Variants in KCNH4 observed in about 807,000 individuals in gnomAD.
KCNH4 encodes potassium voltage-gated channel subfamily H member 4.
In KCNH4, 33 loss-of-function variants were observed where a neutral mutation model predicts 90.7. The ratio of observed to expected loss-of-function variants is 0.36; its 90% confidence interval spans 0.28 to 0.49. KCNH4 has a LOEUF of 0.49. KCNH4 is among the 20% of genes least tolerant of loss of function. The probability of loss-of-function intolerance (pLI) is 0.98; values close to 1 mark genes in which losing one functional copy is unlikely to be tolerated. For synonymous variants in KCNH4, 551 were observed against 581.7 expected, an observed-to-expected ratio of 0.95 and a Z score of 0.76; for missense variants, 1,044 against 1,387.1, an observed-to-expected ratio of 0.75 and a Z score of 3.93.
rs757107724 is a variant in KCNH4 at position 42,176,046 on chromosome 17, G to A, written c.829+8C>T. ...ACCCACCAGGGTGGGTGAGGCAGAA[G>A]GTCTGACCTAGGATGAAGAGCATTT... On this transcript the variant is annotated splice_region_variant and intron_variant, in intron 5 of 16. Coordinates refer to ENST00000264661, the MANE Select transcript of KCNH4 (RefSeq NM_012285.3). 2 of 1,590,174 alleles carry A rather than the reference G, an allele frequency of 1.3e-6. No individual in the cohort carries two copies. Among genetic ancestry groups the A allele is most frequent in the South Asian group, 2.3e-5 (2 of 87,632 alleles).
chr17:42,163,546 C>T lies in KCNH4; in HGVS notation c.2477+60G>A. The T allele has an allele frequency of 1.2e-6, 1 of 846,048 alleles. No individual in the cohort carries two copies. Among genetic ancestry groups the T allele is most frequent in the Non-Finnish European group, 1.9e-6 (1 of 533,622 alleles). The allele number at this position is 846,048 out of a possible 1,614,324, so 52.4% of individuals were successfully genotyped here. A position where few individuals can be genotyped will look rare whatever the true frequency, so the allele number is the denominator to read the frequency against. The stretch of plus-strand genomic sequence containing the variant: ...TGTTTGGAACGCCAGGGATAGAGCC[C>T]AGAGAAGGTTCTGGAAGCCAATAGG... On this transcript the variant is annotated intron_variant, in intron 13 of 16. Coordinates refer to ENST00000264661, the MANE Select transcript of KCNH4 (RefSeq NM_012285.3). This position sits in a 1 kb window ranked among gnomAD's most constrained non-coding sequence, Gnocchi z 5.4.
intron 2 of KCNH4, 126 bp from the exon 3 acceptor site, chr17:42,178,603 G>C: frequency 2.3e-6 from 3 of 1,302,374 alleles, no homozygotes; most frequent in Non-Finnish European, 2.1e-6. Flanking sequence ...AGGAACCTCA[G>C]AGATTCTGTC....
chr17:42,176,439 CCAGGAGAGG>C, intron 4 of KCNH4, 142 bp from the exon 5 acceptor site: 1 of 705,314 alleles, frequency 1.4e-6, no homozygotes, highest in Non-Finnish European at 2.4e-6. Context: ...AGATAGAAGG[CCAGGAGAGG>C]GGCGCAGAGG....
rs759987226 is a variant in KCNH4 at position 42,178,340 on chromosome 17, T to C, written c.448A>G (p.Ser150Gly). Residue 150 changes from serine to glycine, a missense_variant, in exon 3 of 17, where the codon AGT (serine) becomes GGT (glycine). Ser to Gly is a moderately conservative substitution (Grantham distance 56). This residue lies in a region of KCNH4 where 283 missense variants were observed against 378.6 expected (regional missense o/e 0.75). Coordinates refer to ENST00000264661, the MANE Select transcript of KCNH4 (RefSeq NM_012285.3). ...CCGGACTTGCTGTTACCGTGATTAC[T>C]GTCCCCGCGGCCTCCTTGGGGGCCA... ...GLGPQGGRGD[S>G]NHENSLGRRG... is the part of the protein sequence containing the mutation. 5.6e-6 allele frequency: 9 copies of C among 1,614,244 alleles called. No homozygotes were observed. The East Asian group carries it at 1.3e-4, about 24-fold the overall frequency.
intron 10 of KCNH4, 105 bp from the exon 11 acceptor site, chr17:42,165,798 G>T: frequency 7.4e-7 from 1 of 1,350,832 alleles, no homozygotes; most frequent in East Asian, 2.3e-5. Context: ...TTTGAAGGAT[G>T]GTTGAAGGTG....
chr17:42,178,244 T>G lies in KCNH4; in HGVS notation c.458-17A>C, dbSNP rs911498783. On this transcript the variant is annotated splice_polypyrimidine_tract_variant and intron_variant, in intron 3 of 16. Coordinates refer to ENST00000264661, the MANE Select transcript of KCNH4 (RefSeq NM_012285.3). ...GGGAGTTTTCTGTTGGGAAGAAAGG[T>G]GCAGAGATACGTTGGGGCACATCCC... 7 of 1,614,174 alleles carry G rather than the reference T, an allele frequency of 4.3e-6. No individual in the cohort carries two copies. Among genetic ancestry groups the G allele is most frequent in the Middle Eastern group, 1.6e-4 (1 of 6,062 alleles).
In KCNH4 at chr17:42,171,834, G is replaced by A. The variant is rs779840462; in HGVS notation, c.1149C>T (p.Ile383=). ...CATTGGCCTCCATCTCCCGGCGCCCGATGACATACCAGATGCAGGCCATCC... is the reference window on the plus strand; with the variant it reads ...CATTGGCCTCCATCTCCCGGCGCCCAATGACATACCAGATGCAGGCCATCC... ...AHWMACIWYV[I]GRREMEANDP... is the part of the protein sequence containing the mutation. The change falls in exon 7 of 17, where the codon ATC becomes ATT. Residue 383 remains isoleucine, a synonymous_variant. Transcript: ENST00000264661. 5.0e-6 allele frequency: 8 copies of A among 1,614,002 alleles called. No individual in the cohort carries two copies. Among genetic ancestry groups the A allele is most frequent in the East Asian group, 4.5e-5 (2 of 44,888 alleles).
chr17:42,180,739 GGA>G lies in KCNH4; in HGVS notation c.76+129_76+130del. 3 of 920,716 alleles carry G rather than the reference GGA, an allele frequency of 3.3e-6. No individual in the cohort carries two copies. Among genetic ancestry groups the G allele is most frequent in the Admixed American group, 2.0e-5 (1 of 50,028 alleles). The allele number at this position is 920,716 out of a possible 1,614,324, so 57.0% of individuals were successfully genotyped here. A position where few individuals can be genotyped will look rare whatever the true frequency, so the allele number is the denominator to read the frequency against. On this transcript the variant is annotated intron_variant, in intron 1 of 16. Transcript: ENST00000264661. The surrounding 1 kb of genome is among the most constrained non-coding windows in gnomAD (Gnocchi z 4.7). ...GCCCTGTTCCTGCACCGCGGCTTTGGGAGTTCCTAGACCCGCACCTCCATTCT... is the reference window on the plus strand; with the variant it reads ...GCCCTGTTCCTGCACCGCGGCTTTGGGTTCCTAGACCCGCACCTCCATTCT...
chr17:42,168,099 G>C (rs542930881), intron 9 of KCNH4, among the ~76,000 whole-genome samples: 2 of 152,054 alleles, frequency 1.3e-5, no homozygotes, highest in African/African-American at 4.8e-5. Context: ...TCCCCACCCA[G>C]GCACAATGAG....
In KCNH4 at chr17:42,163,296, T is replaced by A; in HGVS notation, c.2516A>T (p.Glu839Val). The A allele has an allele frequency of 6.2e-7, 1 of 1,614,048 alleles. No individual in the cohort carries two copies. The highest frequency in any genetic ancestry group is 8.5e-7 in the Non-Finnish European group (1 of 1,179,992). Residue 839 changes from glutamate to valine, a missense_variant, in exon 14 of 17, where the codon GAG (glutamate) becomes GTG (valine). Coordinates refer to ENST00000264661, the MANE Select transcript of KCNH4 (RefSeq NM_012285.3). This position sits in a 1 kb window ranked among gnomAD's most constrained non-coding sequence, Gnocchi z 5.4. ...CCTGCTGAATCGGAATGAAGGGGCCTCAGCTGTGCTGCCAGAGTCCTCAAT... is the reference window on the plus strand; with the variant it reads ...CCTGCTGAATCGGAATGAAGGGGCCACAGCTGTGCTGCCAGAGTCCTCAAT... ...DGIEDSGSTA[E>V]APSFRFSRRP...
Position 42,163,836 on chromosome 17 carries a change from G to A in KCNH4, c.2247C>T (p.Leu749=). The A allele has an allele frequency of 6.6e-7, 1 of 1,514,712 alleles. No homozygotes were observed. The highest frequency in any genetic ancestry group is 8.8e-7 in the Non-Finnish European group (1 of 1,131,184). The allele number at this position is 1,514,712 out of a possible 1,614,324, so 93.8% of individuals were successfully genotyped here. A position where few individuals can be genotyped will look rare whatever the true frequency, so the allele number is the denominator to read the frequency against. ...GGGAGCCCCGAGGCCGTGCTGGGCT[G>A]AGGTTGGGCAGCAGGAGGGGCCGTC... is the stretch of plus-strand genomic sequence containing the variant. ...RPRRPLLLPN[L]SPARPRGSLV... The change falls in exon 13 of 17, where the codon CTC becomes CTT. Residue 749 remains leucine (L), a synonymous_variant. Transcript: ENST00000264661. This position sits in a 1 kb window ranked among gnomAD's most constrained non-coding sequence, Gnocchi z 5.4.
chr17:42,174,878 C>A (rs2079851241), intron 6 of KCNH4, among the ~76,000 whole-genome samples: 1 of 152,168 alleles, frequency 6.6e-6, no homozygotes, highest in South Asian at 2.1e-4. Flanking sequence ...TATGCTCCCC[C>A]AAATGCTTGC....
chr17:42,161,952 C>CTTTTT (rs986564483), intron 15 of KCNH4, among the ~76,000 whole-genome samples: 2 of 122,274 alleles, frequency 1.6e-5, no homozygotes, highest in Admixed American at 8.4e-5. Context: ...ATATCTCTCT[C>CTTTTT]TTTTTTTTTT....
Position 42,160,452 on chromosome 17 carries a change from G to A in KCNH4, c.2659-17C>T, listed in dbSNP as rs369371314. On this transcript the variant is annotated splice_polypyrimidine_tract_variant and intron_variant, in intron 15 of 16. Coordinates refer to ENST00000264661, the MANE Select transcript of KCNH4 (RefSeq NM_012285.3). ...ACGAGAGATCTGTTGAAAACACATC[G>A]AGTTGTTTCACAGGTGCCACAGTAA... 1,345 of 1,563,468 alleles carry A rather than the reference G, an allele frequency of 8.6e-4. 2 individuals are homozygous for A. The highest frequency in any genetic ancestry group is 1.1e-3 in the Non-Finnish European group (1,276 of 1,149,490).
chr17:42,175,634 A>T lies in KCNH4; in HGVS notation c.932T>A (p.Ile311Asn). ...AAAGGGCAGAGCAGCAATAAGGTCG[A>T]TGAAGAACCAGGTGGCCAGGTAGTG... ...GLHYLATWFFIDLIAALPFDL... is the reference protein window; with the variant it reads ...GLHYLATWFFNDLIAALPFDL... Residue 311 changes from isoleucine (I) to asparagine (N), a missense_variant, in exon 6 of 17, where the codon ATC becomes AAC. Physicochemically the swap from Ile to Asn is moderately radical, Grantham distance 149. Transcript: ENST00000264661. The T allele has an allele frequency of 6.2e-7, 1 of 1,614,202 alleles. No homozygotes were observed. The highest frequency in any genetic ancestry group is 8.5e-7 in the Non-Finnish European group (1 of 1,180,040).
intron 4 of KCNH4, among the ~76,000 whole-genome samples, chr17:42,176,509 CTTTTTTTTTTTTTTTTTTT>C (rs869250233): frequency 2.9e-5 from 2 of 68,466 alleles, no homozygotes; most frequent in Non-Finnish European, 2.8e-5. Context: ...GGCCCTCCTC[CTTTTTTTTTTTTTTTTTTT>C]TTTTTTTTTT....
At chr17:42,169,428 G>T (rs962174664) in intron 9 of KCNH4, 49 bp downstream of exon 9, 1 of 1,567,172 alleles carries the variant, frequency 6.4e-7, no homozygotes, top group Non-Finnish European at 8.8e-7. Context: ...CCACCCCACT[G>T]CAGGGCCACG....
chr17:42,162,378 CT>C, intron 14 of KCNH4, 57 bp from the exon 15 acceptor site: 1 of 1,480,980 alleles, frequency 6.8e-7, no homozygotes, highest in Non-Finnish European at 9.4e-7. Context: ...GAGCCTATAA[CT>C]TGGGCTGGAA....
In KCNH4 at chr17:42,179,003, C is replaced by G; in HGVS notation, c.100G>C (p.Ala34Pro). Residue 34 changes from alanine to proline, a missense_variant, in exon 2 of 17, where the codon GCA becomes CCA. Physicochemically the swap from Ala to Pro is conservative, Grantham distance 27 (BLOSUM62 -1). Transcript: ENST00000264661. Reference sequence around the variant, plus strand: ...ATGGGAAAGCCCCGTGTGCCCTGTGCGTTGGCCAGCAGGAAGTTGCTGTCT... The same window carrying G: ...ATGGGAAAGCCCCGTGTGCCCTGTGGGTTGGCCAGCAGGAAGTTGCTGTCT... ...GTHSNFLLAN[A>P]QGTRGFPIVY... The G allele has an allele frequency of 1.2e-6, 2 of 1,613,444 alleles. No individual in the cohort carries two copies. Among genetic ancestry groups the G allele is most frequent in the Non-Finnish European group, 1.7e-6 (2 of 1,179,392 alleles).
Sources: allele counts gnomAD v4.1 joint callset (sites outside exome capture counted in the v4.1 genomes callset), GRCh38; gene constraint gnomAD v4.1.1; regional missense constraint gnomAD v4.1.1; non-coding constraint Gnocchi (gnomAD v3.1); transcripts MANE v1.5; gene names NCBI Gene and HGNC (gene_info 2026-07-23, HGNC 2026-07-21).